CDH13: variants seen among roughly 807,000 people sequenced by gnomAD.
CDH13 encodes cadherin-13.
Under a neutral mutation model 63.8 loss-of-function variants are expected in CDH13, and 24 were observed. That is an observed-to-expected ratio of 0.38 (90% CI 0.27 to 0.53). The LOEUF (loss-of-function observed/expected upper bound fraction) is 0.53. CDH13 is among the 20% of genes least tolerant of loss of function. CDH13 has a pLI of 0.85. For missense variants in CDH13, 1,049 were observed against 903.1 expected (o/e 1.16, Z -2.07); for synonymous variants, 503 against 355.3 (o/e 1.42, Z -4.67).
chr16:83,268,155 G>T (rs761688256), intron 5 of CDH13, among the ~76,000 whole-genome samples: 1 of 152,194 alleles, frequency 6.6e-6, no homozygotes, highest in Non-Finnish European at 1.5e-5. Context: ...CCTGATCATA[G>T]TAATTGACAT....
chr16:82,917,234 T>C (rs1475930219), intron 2 of CDH13, among the ~76,000 whole-genome samples: 5 of 152,154 alleles, frequency 3.3e-5, no homozygotes, highest in African/African-American at 7.2e-5. Flanking sequence ...GTGGAGCCGA[T>C]GGGGCAGTGC....
At chr16:82,966,131 T>C (rs1194080358) in intron 2 of CDH13, among the ~76,000 whole-genome samples, 1 of 152,140 alleles carries the variant, frequency 6.6e-6, no homozygotes, top group Non-Finnish European at 1.5e-5. Flanking sequence ...AAGTAGATAC[T>C]ATTTTTCCTA....
chr16:83,534,032 T>C (rs1000796174), intron 7 of CDH13, among the ~76,000 whole-genome samples: 2 of 152,182 alleles, frequency 1.3e-5, no homozygotes, highest in African/African-American at 4.8e-5. Context: ...CAGTGCCATT[T>C]AGTGGATGGA....
chr16:83,506,173 A>G (rs1196212369), intron 7 of CDH13, among the ~76,000 whole-genome samples: 1 of 152,166 alleles, frequency 6.6e-6, no homozygotes, highest in East Asian at 1.9e-4. Flanking sequence ...CAAGGGGAGG[A>G]AAGAAGATGC....
At chr16:83,220,570 T>C (rs1335263007) in intron 5 of CDH13, among the ~76,000 whole-genome samples, 2 of 151,392 alleles carry the variant, frequency 1.3e-5, no homozygotes, top group East Asian at 1.9e-4. Context: ...AACCTGTACG[T>C]TGTGCACATG....
chr16:83,580,448 TTCTCTCTCTC>T (rs55664829), intron 7 of CDH13, among the ~76,000 whole-genome samples: 3,318 of 76,076 alleles, frequency 0.044, 82 homozygotes, highest in Non-Finnish European at 0.053. Flanking sequence ...TTCTGTTCAT[TTCTCTCTCTC>T]TCTCTCTCTC....
chr16:82,797,669 G>T (rs1386038343), intron 1 of CDH13, among the ~76,000 whole-genome samples: 1 of 151,936 alleles, frequency 6.6e-6, no homozygotes, highest in Non-Finnish European at 1.5e-5. Context: ...TTAGATTCAG[G>T]CTCATATACT....
intron 1 of CDH13, among the ~76,000 whole-genome samples, chr16:82,814,479 C>G (rs2037604733): frequency 2.0e-5 from 3 of 152,226 alleles, no homozygotes; most frequent in Middle Eastern, 3.4e-3. Context: ...GCCTATGTAA[C>G]AAAGCCTCCA....
At chr16:83,036,234 C>G (rs1332810293) in intron 3 of CDH13, among the ~76,000 whole-genome samples, 2 of 151,234 alleles carry the variant, frequency 1.3e-5, no homozygotes, top group African/African-American at 4.9e-5. Context: ...ACTGCAACCT[C>G]CACCTCCTGG....
chr16:82,789,447 A>G (rs905084269), intron 1 of CDH13, among the ~76,000 whole-genome samples: 15 of 152,322 alleles, frequency 9.8e-5, no homozygotes, highest in Admixed American at 4.6e-4. Context: ...CAAGGCGATG[A>G]CAAGAACAAC....
At chr16:83,707,753 A>G (rs907258194) in intron 10 of CDH13, among the ~76,000 whole-genome samples, 2 of 149,876 alleles carry the variant, frequency 1.3e-5, no homozygotes, top group Non-Finnish European at 3.0e-5. Flanking sequence ...AAAGCGAGAA[A>G]GAGGGAAGGA....
At chr16:83,457,549 C>T (rs79920185) in intron 6 of CDH13, among the ~76,000 whole-genome samples, 3,222 of 152,192 alleles carry the variant, frequency 0.021, 112 homozygotes, top group African/African-American at 0.075. Context: ...CAGATGTTGT[C>T]GTTGTCATCA....
At chr16:83,301,045 T>TG in intron 5 of CDH13, among the ~76,000 whole-genome samples, 1 of 144,322 alleles carries the variant, frequency 6.9e-6, no homozygotes, top group South Asian at 2.3e-4. Context: ...TTTTTTTTTT[T>TG]TTTTGAGACA....
chr16:83,534,909 T>C (rs2075154317), intron 7 of CDH13, among the ~76,000 whole-genome samples: 1 of 152,238 alleles, frequency 6.6e-6, no homozygotes, highest in African/African-American at 2.4e-5. Flanking sequence ...ACAAATTCAT[T>C]AGAGCACAAA....
At chr16:83,692,475 C>T (rs924309159) in intron 10 of CDH13, among the ~76,000 whole-genome samples, 6 of 152,240 alleles carry the variant, frequency 3.9e-5, no homozygotes, top group Admixed American at 2.6e-4. Flanking sequence ...GTTGATGATG[C>T]GAAATGTTTT....
At chr16:83,356,082 C>T (rs1269293329) in intron 6 of CDH13, among the ~76,000 whole-genome samples, 1 of 152,170 alleles carries the variant, frequency 6.6e-6, no homozygotes, top group Non-Finnish European at 1.5e-5. Context: ...TTTTTCATTT[C>T]ATCCCCATCC....
At chr16:83,523,541 C>T (rs1318579740) in intron 7 of CDH13, among the ~76,000 whole-genome samples, 1 of 152,220 alleles carries the variant, frequency 6.6e-6, no homozygotes, top group Non-Finnish European at 1.5e-5. Context: ...GCCCCCCACA[C>T]CAGGACTCTC....
chr16:82,793,339 C>T (rs4783276), intron 1 of CDH13, among the ~76,000 whole-genome samples: 69,735 of 151,544 alleles, frequency 0.46, 16,881 homozygotes, highest in East Asian at 0.6. Flanking sequence ...AAGAAAAGTT[C>T]GGGCCAGGAG....
At chr16:83,111,441 A>G (rs1454311935) in intron 3 of CDH13, among the ~76,000 whole-genome samples, 8 of 152,192 alleles carry the variant, frequency 5.3e-5, no homozygotes, top group Middle Eastern at 3.2e-3. Flanking sequence ...TGCCAAATGG[A>G]GGAAGCAAAG....
Sources: allele counts gnomAD v4.1 joint callset (sites outside exome capture counted in the v4.1 genomes callset), GRCh38; gene constraint gnomAD v4.1.1; transcripts MANE v1.5; gene names NCBI Gene and HGNC (gene_info 2026-07-23, HGNC 2026-07-21).